Variants in SLC25A21 observed in about 807,000 individuals in gnomAD.
The protein encoded by SLC25A21 is mitochondrial 2-oxodicarboxylate carrier.
Under a neutral mutation model 43.8 loss-of-function variants are expected in SLC25A21, and 47 were observed. The observed-to-expected ratio is 1.07, with a 90% CI of 0.85 to 1.37. SLC25A21 has a LOEUF of 1.37. SLC25A21 is among the 40% of genes most tolerant of loss of function. The pLI is 0.00. For missense variants in SLC25A21, 352 were observed against 350.2 expected, an observed-to-expected ratio of 1.00 and a Z score of -0.04; for synonymous variants, 131 against 121.3, an observed-to-expected ratio of 1.08 and a Z score of -0.52.
chr14:37,011,012 G>A (rs562589248), intron 1 of SLC25A21, among the ~76,000 whole-genome samples: 14 of 152,266 alleles, frequency 9.2e-5, no homozygotes, highest in South Asian at 2.1e-4. Flanking sequence ...TCAGCCTCCT[G>A]AGTAGCTGGA....
chr14:36,799,381 G>A (rs1208798525), intron 3 of SLC25A21, among the ~76,000 whole-genome samples: 2 of 152,136 alleles, frequency 1.3e-5, no homozygotes, highest in African/African-American at 4.8e-5. Context: ...AGTTTAAGGA[G>A]AAAGATGGAA....
At chr14:36,685,192 G>A (rs1384917420) in intron 7 of SLC25A21, among the ~76,000 whole-genome samples, 3 of 152,164 alleles carry the variant, frequency 2.0e-5, no homozygotes, top group Non-Finnish European at 4.4e-5. Context: ...AGACTGGTAT[G>A]GCATATGGGG....
chr14:37,072,158 C>G (rs938593216), intron 1 of SLC25A21, among the ~76,000 whole-genome samples: 1 of 122,028 alleles, frequency 8.2e-6, no homozygotes, highest in African/African-American at 3.4e-5. Flanking sequence ...CTCCAGCCTG[C>G]GTGACAGAGT....
At chr14:36,883,465 T>C (rs1207682751) in intron 1 of SLC25A21, among the ~76,000 whole-genome samples, 2 of 151,970 alleles carry the variant, frequency 1.3e-5, no homozygotes, top group Non-Finnish European at 2.9e-5. Context: ...TGCTTTTTCA[T>C]TTCTCTCTAG....
chr14:37,088,534 C>T (rs1962526778), intron 1 of SLC25A21, among the ~76,000 whole-genome samples: 2 of 152,146 alleles, frequency 1.3e-5, no homozygotes, highest in South Asian at 2.1e-4. Flanking sequence ...ATCTAAAAAT[C>T]GATTGTTCAA....
chr14:36,814,055 T>A, intron 2 of SLC25A21, 54 bp from the exon 3 acceptor site: 1 of 1,204,020 alleles, frequency 8.3e-7, no homozygotes, highest in Non-Finnish European at 1.2e-6. Context: ...CCAAATGGCT[T>A]TTCTCATTTT....
chr14:36,850,162 TG>T (rs1889679509), intron 2 of SLC25A21, among the ~76,000 whole-genome samples: 1 of 152,074 alleles, frequency 6.6e-6, no homozygotes, highest in African/African-American at 2.4e-5. Flanking sequence ...GAGTTGGCCA[TG>T]GGAAAGGGGA....
At chr14:36,723,749 A>G (rs1285400612) in intron 6 of SLC25A21, among the ~76,000 whole-genome samples, 4 of 152,204 alleles carry the variant, frequency 2.6e-5, no homozygotes, top group Non-Finnish European at 4.4e-5. Flanking sequence ...AGAGAAAAAG[A>G]ACATTAGCAT....
chr14:36,890,079 G>A (rs1335984354), intron 1 of SLC25A21, among the ~76,000 whole-genome samples: 1 of 152,016 alleles, frequency 6.6e-6, no homozygotes, highest in Non-Finnish European at 1.5e-5. Flanking sequence ...AATTTCACAG[G>A]GTAATAGGAA....
At chr14:36,946,847 A>G (rs1892690019) in intron 1 of SLC25A21, among the ~76,000 whole-genome samples, 1 of 152,172 alleles carries the variant, frequency 6.6e-6, no homozygotes, top group African/African-American at 2.4e-5. Flanking sequence ...TTACTATACA[A>G]ACCAACCTGT....
intron 1 of SLC25A21, among the ~76,000 whole-genome samples, chr14:36,917,831 T>C (rs1891871971): frequency 6.6e-6 from 1 of 152,154 alleles, no homozygotes; most frequent in African/African-American, 2.4e-5. Flanking sequence ...AGATTAAAAA[T>C]ACTTACAGAG....
intron 6 of SLC25A21, among the ~76,000 whole-genome samples, chr14:36,722,750 G>A (rs1355598212): frequency 6.6e-6 from 1 of 152,030 alleles, no homozygotes; most frequent in Non-Finnish European, 1.5e-5. Flanking sequence ...ATCATTTTTA[G>A]TGCACTTATA....
intron 1 of SLC25A21, among the ~76,000 whole-genome samples, chr14:37,122,547 C>T (rs917301807): frequency 3.9e-5 from 6 of 152,202 alleles, no homozygotes; most frequent in African/African-American, 1.2e-4. Flanking sequence ...CACATTGCCA[C>T]AGCTATGACT....
chr14:36,893,457 G>C (rs1436001338), intron 1 of SLC25A21, among the ~76,000 whole-genome samples: 1 of 152,178 alleles, frequency 6.6e-6, no homozygotes, highest in Non-Finnish European at 1.5e-5. Context: ...TTTGACAGAT[G>C]AGTAGATTGC....
intron 1 of SLC25A21, among the ~76,000 whole-genome samples, chr14:37,101,041 A>C (rs1356130069): frequency 6.6e-6 from 1 of 152,220 alleles, no homozygotes; most frequent in African/African-American, 2.4e-5. Flanking sequence ...AAAATAATCT[A>C]ATATGATGAT....
chr14:36,763,980 G>C (rs375403888), intron 3 of SLC25A21, among the ~76,000 whole-genome samples: 2 of 149,234 alleles, frequency 1.3e-5, no homozygotes, highest in African/African-American at 2.5e-5. Flanking sequence ...AGTGAGTGGA[G>C]ATCGTGCCAC....
chr14:36,904,455 T>C (rs184052681), intron 1 of SLC25A21, among the ~76,000 whole-genome samples: 298 of 152,236 alleles, frequency 2.0e-3, no homozygotes, highest in African/African-American at 6.7e-3. Flanking sequence ...TCTAGGAAAA[T>C]TGAAAATGTA....
At chr14:36,715,641 G>A (rs1240008096) in intron 6 of SLC25A21, among the ~76,000 whole-genome samples, 4 of 152,228 alleles carry the variant, frequency 2.6e-5, no homozygotes, top group African/African-American at 2.4e-5. Context: ...GGAAGAATAA[G>A]TGGATTGGGA....
chr14:37,119,079 A>G lies in SLC25A21; in HGVS notation c.70+53202T>C, dbSNP rs145127762. On this transcript the variant is annotated intron_variant, in intron 1 of 9. Transcript: ENST00000331299. ...TCACTGCTCATTATACACTAATTAT[A>G]ATGCATTGGCTTGCTAAAGGACACT... Among the ~76,000 whole-genome samples, 957 of 152,266 alleles carry G rather than the reference A, an allele frequency of 6.3e-3. 9 individuals carry two copies. Among genetic ancestry groups the G allele is most frequent in the African/African-American group, 0.02 (821 of 41,534 alleles).
Sources: gnomAD v4.1 joint callset for allele counts (sites outside exome capture counted in the v4.1 genomes callset) on GRCh38, gnomAD v4.1.1 for gene constraint, MANE v1.5 for transcripts, NCBI Gene and HGNC (gene_info 2026-07-23, HGNC 2026-07-21) for gene names.